Variants in GPSM1 observed in about 807,000 individuals in gnomAD.
The protein encoded by GPSM1 is G protein signaling modulator 1.
A neutral mutation model predicts 70.5 loss-of-function variants in GPSM1; 48 were observed. The observed-to-expected ratio is 0.68, with a 90% CI of 0.54 to 0.87. The LOEUF is 0.87. Among genes scored for constraint, GPSM1 ranks in the 40% least tolerant of loss-of-function variants. The pLI is 0.00. For missense variants in GPSM1, 981 were observed against 972.6 expected, an observed-to-expected ratio of 1.01 and a Z score of -0.11; for synonymous variants, 416 against 430.1, an observed-to-expected ratio of 0.97 and a Z score of 0.41.
Position 136,334,647 on chromosome 9 carries a change from A to T in GPSM1, c.269A>T (p.Lys90Met). The change falls in exon 2 of 14, where the codon AAG becomes ATG. Residue 90 changes from lysine (K) to methionine (M), a missense_variant. Transcript: ENST00000440944. Reference sequence around the variant, plus strand: ...CACGGCCGGGCGCTGGAATACCACAAGCATGACCTCCTGCTGGCGCGGTGA... The same window carrying T: ...CACGGCCGGGCGCTGGAATACCACATGCATGACCTCCTGCTGGCGCGGTGA... ...KEHGRALEYH[K>M]HDLLLARTIG... 6.2e-7 allele frequency: 1 copy of T among 1,611,848 alleles called. No individual in the cohort carries two copies. The highest frequency in any genetic ancestry group is 8.5e-7 in the Non-Finnish European group (1 of 1,179,770).
At chr9:136,335,733 C>T (rs1417329068) in intron 2 of GPSM1, among the ~76,000 whole-genome samples, 4 of 152,190 alleles carry the variant, frequency 2.6e-5, no homozygotes, top group African/African-American at 9.7e-5. Context: ...TGGTGATGGG[C>T]AGGAGCCTGT....
intron 3 of GPSM1, among the ~76,000 whole-genome samples, chr9:136,336,669 C>G (rs530785131): frequency 1.4e-3 from 219 of 152,290 alleles, no homozygotes; most frequent in African/African-American, 4.7e-3. Context: ...CATCAGAGGA[C>G]AGAGCTGAGG....
intron 10 of GPSM1, among the ~76,000 whole-genome samples, chr9:136,349,073 C>T (rs1554771684): frequency 1.3e-5 from 2 of 152,264 alleles, no homozygotes; most frequent in East Asian, 3.8e-4. Context: ...CCTGCCTGCT[C>T]CCTGCCCTCT....
At chr9:136,339,885 G>A in intron 8 of GPSM1, 70 bp downstream of exon 8, 1 of 947,164 alleles carries the variant, frequency 1.1e-6, no homozygotes, top group Non-Finnish European at 1.6e-6. Context: ...GGTCCCCTCT[G>A]CCCCGAGCGA....
At position 136,340,720 on chromosome 9, in the gene GPSM1, C is replaced by T; in HGVS notation, c.1084-150C>T. 15 of 1,180,232 alleles carry T rather than the reference C, an allele frequency of 1.3e-5. 1 individual carries two copies. In the South Asian group the frequency reaches 2.3e-4, roughly 18 times the overall value. 73.1% of individuals were successfully genotyped at this position (1,180,232 alleles called of 1,614,324 possible). On this transcript the variant is annotated intron_variant, in intron 8 of 13. Coordinates refer to ENST00000440944, the MANE Select transcript of GPSM1 (RefSeq NM_001145638.3). The surrounding 1 kb of genome is among the most constrained non-coding windows in gnomAD (Gnocchi z 7.3). ...TCCACCTCCGGGTCCACAGTGAGTC[C>T]TGGTTCCCTCAGAGGCCCAGGGGTC...
Position 136,349,633 on chromosome 9 carries a change from G to A in GPSM1, c.1325G>A (p.Ser442Asn), listed in dbSNP as rs1352510881. ...CATTCAGGGGACTGGCGGGGGCCCA[G>A]CAGGGACTCGCTACCCCTCCCCGTG... is the stretch of plus-strand genomic sequence containing the variant. The part of the protein sequence containing the change: ...SHHSGDWRGP[S>N]RDSLPLPVRS... The change falls in exon 11 of 14, where the codon AGC becomes AAC. Residue 442 changes from serine (S) to asparagine (N), a missense_variant. Physicochemically the swap from Ser to Asn is conservative, Grantham distance 46. Coordinates refer to ENST00000440944, the MANE Select transcript of GPSM1 (RefSeq NM_001145638.3). 6.5e-7 allele frequency: 1 copy of A among 1,549,890 alleles called. No individual in the cohort carries two copies. The highest frequency in any genetic ancestry group is 2.0e-5 in the Admixed American group (1 of 50,992).
At chr9:136,346,141 C>T (rs369698044) in intron 9 of GPSM1, among the ~76,000 whole-genome samples, 1 of 152,218 alleles carries the variant, frequency 6.6e-6, no homozygotes, top group East Asian at 1.9e-4. Flanking sequence ...TCTGGCCGCA[C>T]AGGTTTCCAT....
rs1159857038 is a variant in GPSM1 at position 136,356,523 on chromosome 9, C to CTTT, written c.1796_1797insTTT (p.Phe600dup). On this transcript the variant is annotated inframe_insertion, in exon 13 of 14. Coordinates refer to ENST00000440944, the MANE Select transcript of GPSM1 (RefSeq NM_001145638.3). ...GCGAGCCCCAGGAGCCGGGGGACGA[C>CTTT]TTCTTCAACATGCTCATCAAGTACC... is the stretch of plus-strand genomic sequence containing the variant. 1.2e-6 allele frequency: 2 copies of CTTT among 1,611,608 alleles called. No homozygotes were observed. Among genetic ancestry groups the CTTT allele is most frequent in the African/African-American group, 2.7e-5 (2 of 74,864 alleles).
chr9:136,346,398 T>C lies in GPSM1; in HGVS notation c.1208-2299T>C, dbSNP rs112161389. ...CAGCTGCGTTTAGGAGCTCACCATT[T>C]AAACGGGTCACATGGACAGACTCAG... is the stretch of plus-strand genomic sequence containing the variant. On this transcript the variant is annotated intron_variant, in intron 9 of 13. Transcript: ENST00000440944. Among the ~76,000 whole-genome samples, 430 of 152,262 alleles carry C rather than the reference T, an allele frequency of 2.8e-3. 3 individuals are homozygous for C. The highest frequency in any genetic ancestry group is 9.7e-3 in the African/African-American group (402 of 41,552).
intron 1 of GPSM1, 28 bp from the exon 2 acceptor site, chr9:136,334,419 G>A: frequency 6.3e-7 from 1 of 1,581,732 alleles, no homozygotes; most frequent in South Asian, 1.1e-5. Flanking sequence ...GCCAGGGCTG[G>A]GCCATGACGC....
At position 136,355,756 on chromosome 9, in the gene GPSM1, A is replaced by G. The variant is rs945118495; in HGVS notation, c.1522A>G (p.Ser508Gly). ...FFDLLTKFQS[S>G]RMDDQRCPLD... Reference sequence around the variant, plus strand: ...TGACCTGTTGACCAAGTTCCAGAGCAGCCGCATGGACGACCAGCGTTGTCC... The same window carrying G: ...TGACCTGTTGACCAAGTTCCAGAGCGGCCGCATGGACGACCAGCGTTGTCC... Residue 508 changes from serine to glycine, a missense_variant, in exon 12 of 14, where the codon AGC becomes GGC. Transcript: ENST00000440944. The G allele has an allele frequency of 6.2e-7, 1 of 1,612,354 alleles. No individual in the cohort carries two copies.
Position 136,327,820 on chromosome 9 carries a change from C to A in GPSM1, c.68+57C>A. 6 of 674,902 alleles carry A rather than the reference C, an allele frequency of 8.9e-6. No homozygotes were observed. The South Asian group carries it at 2.1e-4, about 24-fold the overall frequency. The allele number at this position is 674,902 out of a possible 1,614,324, so 41.8% of individuals were successfully genotyped here. A position where few individuals can be genotyped will look rare whatever the true frequency, so the allele number is the denominator to read the frequency against. On this transcript the variant is annotated intron_variant, in intron 1 of 13. Transcript: ENST00000440944. ...GGGCTGGGACCGGACCGGGCCGGGT[C>A]GGGACGCGGGGGAGGCTGCAGTTGG...
chr9:136,355,958 C>A, intron 12 of GPSM1, 112 bp downstream of exon 12: 1 of 865,776 alleles, frequency 1.2e-6, no homozygotes, highest in Non-Finnish European at 1.7e-6. Flanking sequence ...AGCAGGCCAG[C>A]TGCAGAGCAC....
chr9:136,348,316 G>A (rs1428483253), intron 9 of GPSM1, among the ~76,000 whole-genome samples: 1 of 152,144 alleles, frequency 6.6e-6, no homozygotes, highest in African/African-American at 2.4e-5. Flanking sequence ...GGGGGGATTG[G>A]GTGGCCTCAC....
intron 9 of GPSM1, among the ~76,000 whole-genome samples, chr9:136,345,980 G>T (rs1170884762): frequency 1.3e-5 from 2 of 152,218 alleles, no homozygotes; most frequent in East Asian, 3.8e-4. Context: ...TCCTGAATGT[G>T]CCGGAGCTAA....
At chr9:136,337,307 G>T in intron 4 of GPSM1, 134 bp from the exon 5 acceptor site, 1 of 1,380,502 alleles carries the variant, frequency 7.2e-7, no homozygotes, top group Non-Finnish European at 9.7e-7. Flanking sequence ...GAGGACCCTG[G>T]AGCCTACCCT....
Position 136,336,045 on chromosome 9 carries a change from G to A in GPSM1, c.370G>A (p.Glu124Lys), listed in dbSNP as rs558413197. 38 of 1,612,390 alleles carry A rather than the reference G, an allele frequency of 2.4e-5. No individual in the cohort carries two copies. Among genetic ancestry groups the A allele is most frequent in the Non-Finnish European group, 3.1e-5 (37 of 1,179,902 alleles). ...NTLKVLGRFD[E>K]AAVCCQRHLS... ...ACTCAAGGTCCTGGGGCGCTTCGAC[G>A]AGGCTGCCGTCTGCTGCCAGCGGCA... Residue 124 changes from glutamate to lysine, a missense_variant, in exon 3 of 14, where the codon GAG becomes AAG. Glu to Lys is a moderately conservative substitution (Grantham distance 56, BLOSUM62 1). Transcript: ENST00000440944.
chr9:136,349,815 C>T (rs1169404024), intron 11 of GPSM1, 52 bp downstream of exon 11: 2 of 1,481,794 alleles, frequency 1.3e-6, no homozygotes, highest in East Asian at 2.4e-5. Context: ...AGCTTGGCAA[C>T]TGCGCCCCAA....
At chr9:136,345,993 C>T (rs2131406155) in intron 9 of GPSM1, among the ~76,000 whole-genome samples, 1 of 152,348 alleles carries the variant, frequency 6.6e-6, no homozygotes, top group South Asian at 2.1e-4. Context: ...GGAGCTAACC[C>T]TGATCCCGCT....
Sources: gnomAD v4.1 joint callset for allele counts (sites outside exome capture counted in the v4.1 genomes callset) on GRCh38, gnomAD v4.1.1 for gene constraint, Gnocchi (gnomAD v3.1) non-coding constraint, MANE v1.5 for transcripts, NCBI Gene and HGNC (gene_info 2026-07-23, HGNC 2026-07-21) for gene names.